RSRC1: variants seen among roughly 807,000 people sequenced by gnomAD.
RSRC1 encodes arginine and serine rich coiled-coil 1.
In RSRC1, 39 loss-of-function variants were observed where a neutral mutation model predicts 49.1. The ratio of observed to expected loss-of-function variants is 0.79; its 90% confidence interval spans 0.61 to 1.04. The LOEUF is 1.04. RSRC1 is among the 50% of genes least tolerant of loss of function. The pLI is 0.00. For missense variants in RSRC1, 388 were observed against 402.4 expected (o/e 0.96, Z 0.31); for synonymous variants, 143 against 130.8 (o/e 1.09, Z -0.63).
At chr3:158,115,283 C>T (rs779773650) in intron 1 of RSRC1, among the ~76,000 whole-genome samples, 3 of 152,026 alleles carry the variant, frequency 2.0e-5, no homozygotes, top group South Asian at 2.1e-4. Context: ...AATTTATACT[C>T]GCCTTCTCCT....
chr3:158,510,739 G>A (rs1740114091), intron 7 of RSRC1, among the ~76,000 whole-genome samples: 1 of 151,978 alleles, frequency 6.6e-6, no homozygotes, highest in African/African-American at 2.4e-5. Context: ...CAGATAGTAG[G>A]TTTTATTCAT....
intron 4 of RSRC1, among the ~76,000 whole-genome samples, chr3:158,228,629 GATGAAAGCAGTT>G (rs1165816791): frequency 3.3e-5 from 5 of 151,808 alleles, no homozygotes; most frequent in African/African-American, 9.7e-5. Context: ...ACTATCATTA[GATGAAAGCAGTT>G]TAAGACTGAA....
chr3:158,151,400 GA>G (rs1466522305), intron 3 of RSRC1, among the ~76,000 whole-genome samples: 3 of 152,294 alleles, frequency 2.0e-5, no homozygotes, highest in African/African-American at 7.2e-5. Context: ...TTCTTTTGGG[GA>G]TATGGAGGGC....
chr3:158,393,684 C>G (rs1733452549), intron 6 of RSRC1, among the ~76,000 whole-genome samples: 1 of 151,936 alleles, frequency 6.6e-6, no homozygotes, highest in Non-Finnish European at 1.5e-5. Context: ...AGGCTACCAA[C>G]CAGAAAAGGC....
chr3:158,166,064 A>G (rs1174652398), intron 3 of RSRC1, among the ~76,000 whole-genome samples: 1 of 152,204 alleles, frequency 6.6e-6, no homozygotes, highest in African/African-American at 2.4e-5. Context: ...AAGCATCTAT[A>G]TCTAAGATGT....
chr3:158,467,904 C>A (rs1434357358), intron 7 of RSRC1, among the ~76,000 whole-genome samples: 2 of 152,168 alleles, frequency 1.3e-5, no homozygotes, highest in East Asian at 3.9e-4. Flanking sequence ...GAAGCAACTC[C>A]ATTTGATCAT....
In RSRC1 at chr3:158,524,976, T is replaced by C. The variant is rs571762357; in HGVS notation, c.653-12116T>C. On this transcript the variant is annotated intron_variant, in intron 7 of 9. Transcript: ENST00000611884. Reference sequence around the variant, plus strand: ...AACCTAATTATAAAAGCTAAAACTATAGAACTTCTAGAAGAAAATTTTTGC... The same window carrying C: ...AACCTAATTATAAAAGCTAAAACTACAGAACTTCTAGAAGAAAATTTTTGC... 9.9e-5 allele frequency among the ~76,000 whole-genome samples: 15 copies of C among 152,116 alleles called. No individual in the cohort carries two copies. In the East Asian group the frequency reaches 2.7e-3, roughly 28 times the overall value.
intron 4 of RSRC1, among the ~76,000 whole-genome samples, chr3:158,218,222 G>A (rs1480976541): frequency 1.3e-5 from 2 of 151,596 alleles, no homozygotes; most frequent in Non-Finnish European, 3.0e-5. Flanking sequence ...TCAGATTAGT[G>A]TTTTGAAAAG....
intron 4 of RSRC1, among the ~76,000 whole-genome samples, chr3:158,238,792 A>C (rs1723391348): frequency 6.6e-6 from 1 of 152,240 alleles, no homozygotes; most frequent in Non-Finnish European, 1.5e-5. Context: ...AATACCATCC[A>C]GGACATAGGC....
rs572752668 is a variant in RSRC1, at chr3:158,476,147, T to C, written c.652+15144T>C. On this transcript the variant is annotated intron_variant, in intron 7 of 9. Coordinates refer to ENST00000611884, the MANE Select transcript of RSRC1 (RefSeq NM_001271838.2). ...CAAAGCCAAATCCAGAGGAAGGTCCTAACTCCCTTCAATTCTATGAAGCTG... is the reference window on the plus strand; with the variant it reads ...CAAAGCCAAATCCAGAGGAAGGTCCCAACTCCCTTCAATTCTATGAAGCTG... Among the ~76,000 whole-genome samples, 6 of 152,264 alleles carry C rather than the reference T, an allele frequency of 3.9e-5. No individual in the cohort carries two copies. In the East Asian group the frequency reaches 1.2e-3, roughly 29 times the overall value.
chr3:158,321,260 CTTT>C (rs1728739929), intron 5 of RSRC1, among the ~76,000 whole-genome samples: 1 of 139,914 alleles, frequency 7.1e-6, no homozygotes, highest in Admixed American at 7.5e-5. Context: ...CCTTCTTCTT[CTTT>C]TTCTTCTTCC....
intron 5 of RSRC1, among the ~76,000 whole-genome samples, chr3:158,335,281 T>C (rs1322972813): frequency 2.0e-5 from 3 of 152,138 alleles, no homozygotes; most frequent in Non-Finnish European, 2.9e-5. Flanking sequence ...TCAGCATTTT[T>C]ATAACTAAGA....
At chr3:158,485,381 A>G (rs77225880) in intron 7 of RSRC1, among the ~76,000 whole-genome samples, 1,858 of 152,224 alleles carry the variant, frequency 0.012, 35 homozygotes, top group African/African-American at 0.042. Context: ...ACACAAAACC[A>G]AGCTTACTTT....
chr3:158,257,699 T>C (rs537844262), intron 4 of RSRC1, among the ~76,000 whole-genome samples: 1 of 152,174 alleles, frequency 6.6e-6, no homozygotes, highest in Non-Finnish European at 1.5e-5. Context: ...TCTAGGTGTT[T>C]TGTGTCCTCT....
At chr3:158,353,123 A>G (rs1408606547) in intron 5 of RSRC1, among the ~76,000 whole-genome samples, 2 of 152,080 alleles carry the variant, frequency 1.3e-5, no homozygotes, top group African/African-American at 2.4e-5. Context: ...ATATTTCTCA[A>G]ATCTGTGTTG....
intron 6 of RSRC1, among the ~76,000 whole-genome samples, chr3:158,363,866 C>G (rs1295089276): frequency 6.6e-6 from 1 of 151,920 alleles, no homozygotes; most frequent in African/African-American, 2.4e-5. Flanking sequence ...TGATTTTTTT[C>G]TAACACCTAG....
intron 3 of RSRC1, among the ~76,000 whole-genome samples, chr3:158,182,282 A>G (rs1456836882): frequency 2.0e-5 from 3 of 152,176 alleles, no homozygotes; most frequent in Admixed American, 1.3e-4. Context: ...TAAATTTTTC[A>G]AGTTAATTAC....
intron 6 of RSRC1, among the ~76,000 whole-genome samples, chr3:158,397,797 T>C (rs1733692990): frequency 6.6e-6 from 1 of 152,104 alleles, no homozygotes; most frequent in Non-Finnish European, 1.5e-5. Context: ...CTCTCTCTGC[T>C]CTTTCCATGG....
At chr3:158,347,120 T>G (rs827135) in intron 5 of RSRC1, among the ~76,000 whole-genome samples, 1 of 152,020 alleles carries the variant, frequency 6.6e-6, no homozygotes, top group Non-Finnish European at 1.5e-5. Flanking sequence ...ATGTAGACAT[T>G]TTAGTAAATA....
Sources: allele counts gnomAD v4.1 joint callset (sites outside exome capture counted in the v4.1 genomes callset), GRCh38; gene constraint gnomAD v4.1.1; transcripts MANE v1.5; gene names NCBI Gene and HGNC (gene_info 2026-07-23, HGNC 2026-07-21).